The following CASR variants were observed in gnomAD, a reference collection of about 807,000 sequenced individuals.
CASR encodes extracellular calcium-sensing receptor.
Under a neutral mutation model 69.1 loss-of-function variants are expected in CASR, and 23 were observed. The ratio of observed to expected loss-of-function variants is 0.33; its 90% CI spans 0.24 to 0.47. CASR has a LOEUF of 0.47. Among genes scored for constraint, CASR ranks in the 20% least tolerant of loss-of-function variants. CASR has a pLI of 1.00. For missense variants in CASR, 924 were observed against 1,356.1 expected, an observed-to-expected ratio of 0.68 and a Z score of 5.00; for synonymous variants, 541 against 544.7, an observed-to-expected ratio of 0.99 and a Z score of 0.10.
intron 5 of CASR, among the ~76,000 whole-genome samples, chr3:122,281,509 GT>G (rs1166959387): frequency 6.6e-6 from 1 of 152,064 alleles, no homozygotes; most frequent in Non-Finnish European, 1.5e-5. Context: ...ACTCTAAGAG[GT>G]TTTTTGTTAC....
intron 1 of CASR, among the ~76,000 whole-genome samples, chr3:122,217,752 A>T (rs2074131732): frequency 6.6e-6 from 1 of 152,210 alleles, no homozygotes; most frequent in Non-Finnish European, 1.5e-5. Flanking sequence ...TAATAACCGT[A>T]CCATTCTGAT....
At chr3:122,280,738 AAAC>A (rs779829192) in intron 5 of CASR, among the ~76,000 whole-genome samples, 8 of 152,228 alleles carry the variant, frequency 5.3e-5, no homozygotes, top group Non-Finnish European at 1.0e-4. Flanking sequence ...TTTCTGCTAG[AAAC>A]AACGACAGCT....
intron 1 of CASR, among the ~76,000 whole-genome samples, chr3:122,216,235 C>CT (rs1408894680): frequency 6.6e-6 from 1 of 152,188 alleles, no homozygotes; most frequent in African/African-American, 2.4e-5. Flanking sequence ...TTTCTTTCCC[C>CT]TTGTACTCTC....
rs142464554 is a variant in CASR at position 122,233,974 on chromosome 3, G to A, written c.-242-19974G>A. On this transcript the variant is annotated intron_variant, in intron 1 of 6. Transcript: ENST00000639785. The stretch of plus-strand genomic sequence containing the variant: ...CTCCTGAGTCAGATGATAACCAAGG[G>A]AAAGAAGTGACCTCTATCTCTGGAC... 4.9e-3 allele frequency among the ~76,000 whole-genome samples: 744 copies of A among 152,278 alleles called. 2 individuals are homozygous for A. The highest frequency in any genetic ancestry group is 7.4e-3 in the Non-Finnish European group (500 of 68,010).
At chr3:122,258,068 A>G (rs1445246321) in intron 3 of CASR, among the ~76,000 whole-genome samples, 1 of 152,260 alleles carries the variant, frequency 6.6e-6, no homozygotes, top group Admixed American at 6.5e-5. Context: ...AAAAAAGATA[A>G]CAAATGTGAA....
At chr3:122,271,419 A>T (rs1423524080) in intron 4 of CASR, among the ~76,000 whole-genome samples, 1 of 152,118 alleles carries the variant, frequency 6.6e-6, no homozygotes, top group Non-Finnish European at 1.5e-5. Context: ...CCTACTCTTT[A>T]TCTCCCTGCC....
intron 3 of CASR, among the ~76,000 whole-genome samples, chr3:122,258,875 G>A (rs1480758767): frequency 6.6e-6 from 1 of 151,960 alleles, no homozygotes; most frequent in African/African-American, 2.4e-5. Flanking sequence ...CCTAGGTGTC[G>A]GGAGGTTTTA....
intron 3 of CASR, 61 bp downstream of exon 3, chr3:122,257,448 T>C (rs1016852094): frequency 7.8e-7 from 1 of 1,281,574 alleles, no homozygotes; most frequent in Non-Finnish European, 1.1e-6. Context: ...GGCTTGGGGG[T>C]GCCATGCCCA....
intron 1 of CASR, among the ~76,000 whole-genome samples, chr3:122,202,226 G>A (rs893159795): frequency 3.3e-5 from 5 of 152,226 alleles, no homozygotes; most frequent in African/African-American, 7.2e-5. Flanking sequence ...AGACCAGCCC[G>A]GCCAACACAG....
At position 122,220,147 on chromosome 3, in the gene CASR, G is replaced by C. The variant is rs369307701; in HGVS notation, c.-242-33801G>C. Among the ~76,000 whole-genome samples, 30 of 152,316 alleles carry C rather than the reference G, an allele frequency of 2.0e-4. No homozygotes were observed. In the East Asian group the frequency reaches 4.4e-3, roughly 23 times the overall value. On this transcript the variant is annotated intron_variant, in intron 1 of 6. Coordinates refer to ENST00000639785, the MANE Select transcript of CASR (RefSeq NM_000388.4). Reference sequence around the variant, plus strand: ...CAAGCATCTCCATTTTTTAAAAAGAGAGAAGAGAAGAGACACCTGATCCCA... The same window carrying C: ...CAAGCATCTCCATTTTTTAAAAAGACAGAAGAGAAGAGACACCTGATCCCA...
chr3:122,255,688 T>TA (rs550686669), intron 2 of CASR, among the ~76,000 whole-genome samples: 24 of 152,112 alleles, frequency 1.6e-4, no homozygotes, highest in South Asian at 4.1e-4. Context: ...ATGTTTAATG[T>TA]AAAAAAAATC....
At position 122,248,997 on chromosome 3, in the gene CASR, A is replaced by G. The variant is rs565366723; in HGVS notation, c.-242-4951A>G. ...TTTGTTTGATGCTGAGGATGCAGCT[A>G]TGATCATGGAGAAGCCTCTGCCTAC... On this transcript the variant is annotated intron_variant, in intron 1 of 6. Transcript: ENST00000639785. 2.2e-3 allele frequency among the ~76,000 whole-genome samples: 338 copies of G among 152,334 alleles called. 1 individual carries two copies. The highest frequency in any genetic ancestry group is 2.8e-3 in the Non-Finnish European group (193 of 68,018).
chr3:122,190,350 C>T (rs192753270), intron 1 of CASR, among the ~76,000 whole-genome samples: 17 of 152,336 alleles, frequency 1.1e-4, no homozygotes, highest in Admixed American at 5.9e-4. Flanking sequence ...AAAGTTTATA[C>T]TCCATGCAAT....
chr3:122,259,427 G>A (rs2074594379), intron 3 of CASR, among the ~76,000 whole-genome samples: 2 of 152,048 alleles, frequency 1.3e-5, no homozygotes, highest in Non-Finnish European at 2.9e-5. Context: ...TGCCTCATAA[G>A]TTCTGTGGTA....
rs74693150 is a variant in CASR at position 122,217,889 on chromosome 3, G to A, written c.-243+34077G>A. Among the ~76,000 whole-genome samples the A allele has an allele frequency of 5.0e-3, 764 of 152,132 alleles. 9 individuals carry two copies. The highest frequency in any genetic ancestry group is 0.017 in the African/African-American group (687 of 41,518). ...GGACTAGAATTTCTAGGCTCTATAC[G>A]TTAGAAAGATATTGGCATAGGCATA... On this transcript the variant is annotated intron_variant, in intron 1 of 6. Coordinates refer to ENST00000639785, the MANE Select transcript of CASR (RefSeq NM_000388.4).
At chr3:122,275,720 G>C (rs1203983714) in intron 4 of CASR, 92 bp from the exon 5 acceptor site, 1 of 859,690 alleles carries the variant, frequency 1.2e-6, no homozygotes, top group Non-Finnish European at 2.0e-6. Context: ...GTTGGAACAA[G>C]ATAGTCTACC....
Position 122,285,216 on chromosome 3 carries a change from G to T in CASR, c.*25G>T. 6.2e-7 allele frequency: 1 copy of T among 1,609,604 alleles called. No individual in the cohort carries two copies. The highest frequency in any genetic ancestry group is 1.1e-5 in the South Asian group (1 of 90,960). ...AAATGGAAGGAGAAGACTGGGCTAG[G>T]GAGAATGCAGAGAGGTTTCTTGGGG... On this transcript the variant is annotated 3_prime_UTR_variant, in exon 7 of 7. Coordinates refer to ENST00000639785, the MANE Select transcript of CASR (RefSeq NM_000388.4).
At chr3:122,221,972 A>T (rs912634762) in intron 1 of CASR, among the ~76,000 whole-genome samples, 2 of 152,174 alleles carry the variant, frequency 1.3e-5, no homozygotes, top group Non-Finnish European at 2.9e-5. Flanking sequence ...TCTCCATAAA[A>T]ACAACTGAAT....
At chr3:122,236,341 C>T (rs1319540888) in intron 1 of CASR, among the ~76,000 whole-genome samples, 1 of 152,186 alleles carries the variant, frequency 6.6e-6, no homozygotes, top group Non-Finnish European at 1.5e-5. Flanking sequence ...TTCCAAAATT[C>T]ATTCTTTAAA....
Sources: gnomAD v4.1 joint callset for allele counts (sites outside exome capture counted in the v4.1 genomes callset) on GRCh38, gnomAD v4.1.1 for gene constraint, MANE v1.5 for transcripts, NCBI Gene and HGNC (gene_info 2026-07-23, HGNC 2026-07-21) for gene names.